The following MBNL1 variants were observed in gnomAD, a reference collection of about 807,000 sequenced individuals.
The protein encoded by MBNL1 is muscleblind like splicing regulator 1, also known as muscleblind-like protein 1.
In MBNL1, 8 loss-of-function variants were observed where a neutral mutation model predicts 42.2. The observed-to-expected ratio is 0.19, with a 90% confidence interval of 0.11 to 0.34. MBNL1 has a LOEUF of 0.34. Among genes scored for constraint, MBNL1 ranks in the 10% least tolerant of loss-of-function variants. The probability of loss-of-function intolerance (pLI) is 1.00; values close to 1 mark genes in which losing one functional copy is unlikely to be tolerated. For synonymous variants in MBNL1, 169 were observed against 173.9 expected, an observed-to-expected ratio of 0.97 and a Z score of 0.22; for missense variants, 309 against 495.3, an observed-to-expected ratio of 0.62 and a Z score of 3.57.
chr3:152,447,822 T>TC (rs1713130931), intron 6 of MBNL1, 49 bp downstream of exon 6: 3 of 1,567,374 alleles, frequency 1.9e-6, no homozygotes, highest in Non-Finnish European at 2.6e-6. Flanking sequence ...CTACAGAGAG[T>TC]CCTACTGTTA....
chr3:152,447,366 C>T (rs572344698), intron 5 of MBNL1, among the ~76,000 whole-genome samples: 5 of 151,862 alleles, frequency 3.3e-5, no homozygotes, highest in Non-Finnish European at 7.4e-5. Context: ...CACTTTAACA[C>T]ATTATAACAT....
Position 152,447,796 on chromosome 3 carries a change from A to G in MBNL1, c.961+23A>G, listed in dbSNP as rs1713000542. The G allele has an allele frequency of 1.9e-6, 3 of 1,608,172 alleles. No homozygotes were observed. The South Asian group carries it at 3.3e-5, about 18-fold the overall frequency. On this transcript the variant is annotated intron_variant, in intron 6 of 9. Coordinates refer to ENST00000324210, the MANE Select transcript of MBNL1 (RefSeq NM_021038.5). ...CAGGTAAGGGGTGGGGTTTCTTAAT[A>G]AATGAATCTGATGATCTACAGAGAG...
chr3:152,392,573 G>A (rs2097766863), intron 2 of MBNL1, among the ~76,000 whole-genome samples: 1 of 152,170 alleles, frequency 6.6e-6, no homozygotes, highest in Non-Finnish European at 1.5e-5. Flanking sequence ...AACATTCAAA[G>A]CCTTGATGTT....
chr3:152,358,266 GTTA>G (rs915015480), intron 2 of MBNL1, among the ~76,000 whole-genome samples: 6 of 152,030 alleles, frequency 3.9e-5, no homozygotes, highest in Admixed American at 1.3e-4. Context: ...TTATAAATAT[GTTA>G]TTATCTTTGA....
At chr3:152,459,695 C>T (rs1170543068) in intron 9 of MBNL1, among the ~76,000 whole-genome samples, 1 of 151,946 alleles carries the variant, frequency 6.6e-6, no homozygotes, top group East Asian at 1.9e-4. Context: ...TGGGCCGTAT[C>T]GTTTCTGTTG....
chr3:152,282,115 T>C (rs1309143000), intron 1 of MBNL1, among the ~76,000 whole-genome samples: 1 of 152,164 alleles, frequency 6.6e-6, no homozygotes, highest in Non-Finnish European at 1.5e-5. Context: ...ACAAATTTGC[T>C]CTGAAATATT....
chr3:152,431,383 CA>C (rs2099004974), intron 3 of MBNL1, among the ~76,000 whole-genome samples: 1 of 152,166 alleles, frequency 6.6e-6, no homozygotes, highest in South Asian at 2.1e-4. Context: ...AATATAGAAT[CA>C]GGGCCAGAGT....
intron 4 of MBNL1, 74 bp from the exon 5 acceptor site, chr3:152,445,208 C>CT (rs1300856844): frequency 7.2e-7 from 1 of 1,389,162 alleles, no homozygotes; most frequent in Non-Finnish European, 1.0e-6. Context: ...CAGTCTTGCA[C>CT]TTTAAGTTAA....
intron 2 of MBNL1, among the ~76,000 whole-genome samples, chr3:152,344,517 C>T (rs1315338402): frequency 1.3e-5 from 2 of 152,130 alleles, no homozygotes; most frequent in Admixed American, 1.3e-4. Flanking sequence ...GTTTAGAAAA[C>T]TTAAACTGAG....
chr3:152,432,743 A>G lies in MBNL1; in HGVS notation c.372A>G (p.Leu124=). 1 of 1,614,208 alleles carries G rather than the reference A, an allele frequency of 6.2e-7. No homozygotes were observed. The highest frequency in any genetic ancestry group is 8.5e-7 in the Non-Finnish European group (1 of 1,180,028). The stretch of plus-strand genomic sequence containing the variant: ...CAATGTTTTCAGTTGCACCAAGCTT[A>G]GCCACCAATGCATCAGCAGCCGCCT... The part of the protein sequence containing the change: ...PVPMFSVAPS[L]ATNASAAAFN... The change falls in exon 4 of 10, where the codon TTA becomes TTG. Residue 124 remains leucine, a synonymous_variant. Transcript: ENST00000324210.
intron 1 of MBNL1, among the ~76,000 whole-genome samples, chr3:152,297,315 C>A (rs1310280212): frequency 7.2e-6 from 1 of 139,842 alleles, no homozygotes; most frequent in Admixed American, 7.3e-5. Context: ...TTTTGAAAAC[C>A]AAAATATTTC....
chr3:152,303,822 G>A (rs1256823327), intron 2 of MBNL1, among the ~76,000 whole-genome samples: 1 of 152,068 alleles, frequency 6.6e-6, no homozygotes, highest in Non-Finnish European at 1.5e-5. Flanking sequence ...AGGTACTAGG[G>A]ATGGGAGAAA....
intron 2 of MBNL1, among the ~76,000 whole-genome samples, chr3:152,316,490 C>T (rs2071554986): frequency 6.6e-6 from 1 of 152,130 alleles, no homozygotes; most frequent in Non-Finnish European, 1.5e-5. Flanking sequence ...CTTTTCCAAG[C>T]GTCCTGCCTG....
At chr3:152,458,291 A>C in intron 8 of MBNL1, 1 of 1,023,940 alleles carries the variant, frequency 9.8e-7, no homozygotes, top group Non-Finnish European at 1.5e-6. Flanking sequence ...GAAATAAAAC[A>C]GGGACATATT....
At chr3:152,406,944 A>G (rs567583864) in intron 2 of MBNL1, among the ~76,000 whole-genome samples, 4 of 152,236 alleles carry the variant, frequency 2.6e-5, no homozygotes, top group African/African-American at 9.6e-5. Flanking sequence ...ATATTCTTTC[A>G]GGCCATGGTA....
intron 2 of MBNL1, among the ~76,000 whole-genome samples, chr3:152,258,024 C>T (rs2035691200): frequency 6.6e-6 from 1 of 152,104 alleles, no homozygotes; most frequent in South Asian, 2.1e-4. Flanking sequence ...CAGGAAACAT[C>T]TTGGGCTCCT....
intron 2 of MBNL1, among the ~76,000 whole-genome samples, chr3:152,303,988 A>G (rs944614006): frequency 6.6e-6 from 1 of 152,182 alleles, no homozygotes; most frequent in Non-Finnish European, 1.5e-5. Context: ...ATATCTATCT[A>G]TAAATAGCAC....
rs571595586 is a variant in MBNL1, at chr3:152,435,831, T to A, written c.549+2911T>A. 3.3e-4 allele frequency among the ~76,000 whole-genome samples: 51 copies of A among 152,340 alleles called. 1 individual carries two copies. The highest frequency in any genetic ancestry group is 1.2e-3 in the African/African-American group (50 of 41,576). ...TTGTGAATGGGAATGCACTCCTGAT[T>A]TGGCTCTCGGCTTGGATGTTGCTGG... On this transcript the variant is annotated intron_variant, in intron 4 of 9. Transcript: ENST00000324210.
chr3:152,449,810 T>G (rs1447034556), intron 6 of MBNL1, among the ~76,000 whole-genome samples: 2 of 152,130 alleles, frequency 1.3e-5, no homozygotes, highest in African/African-American at 2.4e-5. Context: ...TTGATCAATA[T>G]TTCTCAAATA....
Sources: allele counts gnomAD v4.1 joint callset (sites outside exome capture counted in the v4.1 genomes callset), GRCh38; gene constraint gnomAD v4.1.1; transcripts MANE v1.5; gene names NCBI Gene and HGNC (gene_info 2026-07-23, HGNC 2026-07-21).